THOC7: variants seen among roughly 807,000 people sequenced by gnomAD.
The protein encoded by THOC7 is NIF3L1-binding protein 1.
In THOC7, 22 loss-of-function variants were observed where a neutral mutation model predicts 33.1. The observed-to-expected ratio is 0.66, with a 90% CI of 0.47 to 0.95. The LOEUF (loss-of-function observed/expected upper bound fraction) is 0.95. Among genes scored for constraint, THOC7 ranks in the 40% least tolerant of loss-of-function variants. The pLI, the probability that THOC7 is intolerant of heterozygous loss-of-function variation, is 0.00. For missense variants in THOC7, 184 were observed against 245.3 expected, an observed-to-expected ratio of 0.75 and a Z score of 1.67; for synonymous variants, 77 against 76.8, an observed-to-expected ratio of 1.00 and a Z score of -0.01.
chr3:63,838,016 C>A lies in THOC7; in HGVS notation c.312G>T (p.Lys104Asn). Residue 104 changes from lysine (K) to asparagine (N), a missense_variant, in exon 4 of 8, where the codon AAG becomes AAT. Around this residue, in one of 3 missense-constraint regions of THOC7, gnomAD observed 157 missense variants for 201.3 expected, o/e 0.78. Transcript: ENST00000295899. ...GTATTCGTTTTGCTTGAAGAATTTG[C>A]TTTTTGCACTCAGCAATTTTTTCAT... ...GAHEKIAECK[K>N]QILQAKRIRK... The A allele has an allele frequency of 6.2e-7, 1 of 1,609,398 alleles. No individual in the cohort carries two copies. The highest frequency in any genetic ancestry group is 8.5e-7 in the Non-Finnish European group (1 of 1,178,242).
intron 5 of THOC7, among the ~76,000 whole-genome samples, chr3:63,835,757 C>T: frequency 6.6e-6 from 1 of 152,150 alleles, no homozygotes; most frequent in African/African-American, 2.4e-5. Flanking sequence ...AATCTTACGC[C>T]TAGTCCTCTA....
rs566175132 is a variant in THOC7, at chr3:63,838,644, C to T, written c.138-145G>A. 1.9e-5 allele frequency: 15 copies of T among 771,936 alleles called. No individual in the cohort carries two copies. In the South Asian group the frequency reaches 3.4e-4, roughly 18 times the overall value. The allele number at this position is 771,936 out of a possible 1,614,324, so 47.8% of individuals were successfully genotyped here. A position where few individuals can be genotyped will look rare whatever the true frequency, so the allele number is the denominator to read the frequency against. ...TTATTTAAAATTTAGAATATCTGTC[C>T]CTTAAGTTTTCTTTTTATCAAATGT... On this transcript the variant is annotated intron_variant, in intron 2 of 7. Transcript: ENST00000295899.
chr3:63,846,040 A>C, intron 1 of THOC7: 1 of 220,174 alleles, frequency 4.5e-6, no homozygotes, highest in South Asian at 4.7e-5. Flanking sequence ...CTCTAAAATC[A>C]CCTTTTAAAA....
intron 1 of THOC7, among the ~76,000 whole-genome samples, chr3:63,860,142 T>G (rs890037460): frequency 6.6e-6 from 1 of 151,260 alleles, no homozygotes; most frequent in Non-Finnish European, 1.5e-5. Context: ...CTGGCTAATT[T>G]AAGAAAATTT....
At chr3:63,846,803 C>T (rs1400651857) in intron 1 of THOC7, among the ~76,000 whole-genome samples, 1 of 152,086 alleles carries the variant, frequency 6.6e-6, no homozygotes, top group Non-Finnish European at 1.5e-5. Context: ...ATGAAAGAGG[C>T]AGAATGATAG....
At chr3:63,835,638 C>A (rs1170324176) in intron 5 of THOC7, among the ~76,000 whole-genome samples, 1 of 151,968 alleles carries the variant, frequency 6.6e-6, no homozygotes, top group East Asian at 1.9e-4. Flanking sequence ...ATACAGATAA[C>A]AGAATAACAA....
chr3:63,860,588 G>A (rs1702190142), intron 1 of THOC7: 1 of 152,158 alleles, frequency 6.6e-6, no homozygotes, highest in African/African-American at 2.4e-5. Context: ...TCACAGAGCA[G>A]ACGAGGTCCT....
rs543262443 is a variant in THOC7 at position 63,834,325 on chromosome 3, A to C, written c.548-126T>G. On this transcript the variant is annotated intron_variant, in intron 7 of 7. Transcript: ENST00000295899. ...TTAAAGCTAAGATGGCTACTAGTTG[A>C]ATCAAACTTTAAAATTTATGTGATA... 1.9e-4 allele frequency: 162 copies of C among 873,450 alleles called. No homozygotes were observed. In the African/African-American group the frequency reaches 2.5e-3, roughly 13 times the overall value. The allele number at this position is 873,450 out of a possible 1,614,324, so 54.1% of individuals were successfully genotyped here.
At chr3:63,842,917 G>C (rs1392042427) in intron 1 of THOC7, among the ~76,000 whole-genome samples, 8 of 151,830 alleles carry the variant, frequency 5.3e-5, no homozygotes, top group Admixed American at 3.3e-4. Flanking sequence ...AAGTAGCTGT[G>C]ACTACACATG....
At chr3:63,864,317 G>A (rs1702335000), upstream of THOC7, among the ~76,000 whole-genome samples, 1 of 151,932 alleles carries the variant, frequency 6.6e-6, no homozygotes, top group African/African-American at 2.4e-5. Context: ...CCTGGGGGGT[G>A]GGGAGGGTGA....
intron 6 of THOC7, 39 bp downstream of exon 6, chr3:63,835,285 G>A: frequency 6.2e-7 from 1 of 1,610,970 alleles, no homozygotes; most frequent in South Asian, 1.1e-5. Flanking sequence ...TAGACAGACA[G>A]ATAGACAGAT....
intron 1 of THOC7, among the ~76,000 whole-genome samples, chr3:63,855,796 T>C (rs1157915947): frequency 6.6e-6 from 1 of 152,216 alleles, no homozygotes; most frequent in Non-Finnish European, 1.5e-5. Context: ...TGTGAACTAG[T>C]AATCCTGTGA....
intron 1 of THOC7, among the ~76,000 whole-genome samples, chr3:63,843,729 T>C (rs1055660642): frequency 1.3e-5 from 2 of 152,002 alleles, no homozygotes; most frequent in Non-Finnish European, 2.9e-5. Context: ...TGAAACTCTG[T>C]CTCCACTAAA....
At position 63,855,051 on chromosome 3, in the gene THOC7, C is replaced by A. The variant is rs375499249; in HGVS notation, c.19+8721G>T. Among the ~76,000 whole-genome samples, 3 of 152,018 alleles carry A rather than the reference C, an allele frequency of 2.0e-5. No individual in the cohort carries two copies. The East Asian group carries it at 5.8e-4, about 29-fold the overall frequency. On this transcript the variant is annotated intron_variant, in intron 1 of 7. Transcript: ENST00000295899. ...GAAAAGGAGGCAGCAATTAACTTCA[C>A]GTATTAATTAGTGAGTAATATGACC... is the stretch of plus-strand genomic sequence containing the variant.
At chr3:63,844,973 A>G (rs766145610) in intron 1 of THOC7, 8 of 661,876 alleles carry the variant, frequency 1.2e-5, no homozygotes, top group Middle Eastern at 4.9e-4. Context: ...AGAATCATAA[A>G]TAAAGACAAT....
chr3:63,839,528 G>A (rs536838633), intron 2 of THOC7, 128 bp downstream of exon 2: 1 of 791,614 alleles, frequency 1.3e-6, no homozygotes, highest in East Asian at 2.5e-5. Flanking sequence ...TCTACTCTTG[G>A]TTAATTAAGA....
intron 1 of THOC7, among the ~76,000 whole-genome samples, chr3:63,857,191 G>C (rs528449354): frequency 6.6e-6 from 1 of 152,236 alleles, no homozygotes; most frequent in South Asian, 2.1e-4. Flanking sequence ...GAATTATTAC[G>C]GAAGGTAAAG....
rs141717928 is a variant in THOC7 at position 63,852,879 on chromosome 3, G to A, written c.19+10893C>T. On this transcript the variant is annotated intron_variant, in intron 1 of 7. Transcript: ENST00000295899. ...AGAATCACAGGTCCTGGCTGGGCAC[G>A]ATGGCTCATGCCTATAATCCCAGCA... Among the ~76,000 whole-genome samples the A allele has an allele frequency of 3.1e-3, 470 of 152,188 alleles. 3 individuals are homozygous for A. The highest frequency in any genetic ancestry group is 0.011 in the African/African-American group (451 of 41,532).
chr3:63,843,482 T>A (rs1042546534), intron 1 of THOC7, among the ~76,000 whole-genome samples: 13 of 152,324 alleles, frequency 8.5e-5, no homozygotes, highest in Non-Finnish European at 1.6e-4. Flanking sequence ...CTACTGGTTA[T>A]GTGTCCAAAG....
Sources: allele counts gnomAD v4.1 joint callset (sites outside exome capture counted in the v4.1 genomes callset), GRCh38; gene constraint gnomAD v4.1.1; regional missense constraint gnomAD v4.1.1; transcripts MANE v1.5; gene names NCBI Gene and HGNC (gene_info 2026-07-23, HGNC 2026-07-21).